Variants in TYK2 observed in about 807,000 individuals in gnomAD.
The protein encoded by TYK2 is tyrosine kinase 2.
TYK2 carries 65 observed loss-of-function variants against 130.9 expected under a neutral mutation model. That is an observed-to-expected ratio of 0.50 (90% confidence interval 0.41 to 0.61). The LOEUF (loss-of-function observed/expected upper bound fraction) is 0.61. Among genes scored for constraint, TYK2 ranks in the 20% least tolerant of loss-of-function variants. TYK2 has a pLI of 0.00. For synonymous variants in TYK2, 647 were observed against 658.9 expected (o/e 0.98, Z 0.28); for missense variants, 1,378 against 1,610.7 (o/e 0.86, Z 2.47).
intron 2 of TYK2, among the ~76,000 whole-genome samples, chr19:10,379,155 G>C (rs904411433): frequency 2.0e-5 from 3 of 151,462 alleles, no homozygotes; most frequent in Non-Finnish European, 2.9e-5. Context: ...CACTGTGCCC[G>C]GCCTCTACAA....
intron 6 of TYK2, 147 bp from the exon 7 acceptor site, chr19:10,366,045 G>A (rs2041649120): frequency 2.1e-6 from 2 of 945,084 alleles, no homozygotes; most frequent in African/African-American, 1.7e-5. Flanking sequence ...ACTTGAGCCT[G>A]TAGTCTCAGC....
chr19:10,369,706 A>G (rs2041829318), intron 3 of TYK2: 1 of 453,504 alleles, frequency 2.2e-6, no homozygotes, highest in South Asian at 1.6e-5. Context: ...AATTTCCCAC[A>G]CCAGCTACCC....
rs767623429 is a variant in TYK2, at chr19:10,353,086, G to A, written c.3040C>T (p.Leu1014=). ...CGGTGGATGTAGTGCTGCGCGTGCA[G>A]ATAGGCCATGCCCTGGGGACGGGGC... ...AQQICEGMAY[L]HAQHYIHRDL... Residue 1014 remains leucine (L), a synonymous_variant, in exon 22 of 25, where the codon CTG becomes TTG. Transcript: ENST00000525621. This position sits in a 1 kb window ranked among gnomAD's most constrained non-coding sequence, Gnocchi z 6.9. 1 of 1,545,572 alleles carries A rather than the reference G, an allele frequency of 6.5e-7. No individual in the cohort carries two copies. The highest frequency in any genetic ancestry group is 1.8e-5 in the Admixed American group (1 of 54,212).
At chr19:10,371,218 A>G (rs1568342277) in intron 3 of TYK2, among the ~76,000 whole-genome samples, 1 of 151,624 alleles carries the variant, frequency 6.6e-6, no homozygotes, top group Non-Finnish European at 1.5e-5. Context: ...CTCCCACCTC[A>G]GCCTCCTGAG....
rs777995149 is a variant in TYK2, at chr19:10,351,075, G to A, written c.3406C>T (p.Arg1136Trp). The change falls in exon 24 of 25, where the codon CGG becomes TGG. Residue 1136 changes from arginine (R) to tryptophan (W), a missense_variant. Transcript: ENST00000525621. ...ELLERGERLP[R>W]PDKCPCEVYH... ...ACCTCACAGGGACATTTGTCGGGCC[G>A]TGGCAGCCTCTCCCCTCGTTCCAGC... 1.2e-5 allele frequency: 19 copies of A among 1,614,014 alleles called. No homozygotes were observed. The highest frequency in any genetic ancestry group is 4.5e-5 in the East Asian group (2 of 44,894).
chr19:10,378,156 C>T (rs995988217), intron 3 of TYK2, 58 bp downstream of exon 3: 3 of 1,573,474 alleles, frequency 1.9e-6, no homozygotes, highest in Non-Finnish European at 1.7e-6. Context: ...ATGGATGGGG[C>T]CCAGCTGCTG....
At position 10,361,222 on chromosome 19, in the gene TYK2, T is replaced by C. The variant is rs1435747393; in HGVS notation, c.2047+289A>G. 1 of 575,610 alleles carries C rather than the reference T, an allele frequency of 1.7e-6. No homozygotes were observed. Among genetic ancestry groups the C allele is most frequent in the East Asian group, 3.0e-5 (1 of 33,256 alleles). 35.7% of individuals were successfully genotyped at this position (575,610 alleles called of 1,614,324 possible). On this transcript the variant is annotated intron_variant, in intron 14 of 24. Transcript: ENST00000525621. This position sits in a 1 kb window ranked among gnomAD's most constrained non-coding sequence, Gnocchi z 4.0. The stretch of plus-strand genomic sequence containing the variant: ...CAGATGGGGGCTGGACTGTAGAGGT[T>C]GTTTGGGAGGTTGATGGAAGTGGGG...
Position 10,365,507 on chromosome 19 carries a change from C to A in TYK2, c.1011+10G>T. 1 of 1,613,790 alleles carries A rather than the reference C, an allele frequency of 6.2e-7. No individual in the cohort carries two copies. Among genetic ancestry groups the A allele is most frequent in the Non-Finnish European group, 8.5e-7 (1 of 1,180,012 alleles). ...CTGAACCCCCAGGGCGGAAGGGGCG[C>A]CTTGCTCACCTCCTCCTTGTTCACC... On this transcript the variant is annotated intron_variant, in intron 7 of 24. Coordinates refer to ENST00000525621, the MANE Select transcript of TYK2 (RefSeq NM_003331.5).
In TYK2 at chr19:10,378,435, G is replaced by A. The variant is rs755381992; in HGVS notation, c.-20-9C>T. On this transcript the variant is annotated splice_polypyrimidine_tract_variant and intron_variant, in intron 2 of 24. Transcript: ENST00000525621. Reference sequence around the variant, plus strand: ...CCCGGCAGGTGGCTCAGCTGGAAAGGGGACAATCTGTCAGCTCCCAAGTCT... The same window carrying A: ...CCCGGCAGGTGGCTCAGCTGGAAAGAGGACAATCTGTCAGCTCCCAAGTCT... 5.0e-6 allele frequency: 8 copies of A among 1,600,828 alleles called. No individual in the cohort carries two copies. Among genetic ancestry groups the A allele is most frequent in the South Asian group, 1.1e-5 (1 of 90,824 alleles).
At chr19:10,377,557 TG>T (rs1486892015) in intron 3 of TYK2, among the ~76,000 whole-genome samples, 4 of 85,636 alleles carry the variant, frequency 4.7e-5, no homozygotes, top group Non-Finnish European at 6.8e-5. Flanking sequence ...GGTGGGTGGG[TG>T]GATGGATGGG....
In TYK2 at chr19:10,353,989, C is replaced by A; in HGVS notation, c.2908+53G>T. Reference sequence around the variant, plus strand: ...CTGGCCCCGCCCACAAGGCCACACCCACGCTCTAACCACGCCCCCTCAAGT... The same window carrying A: ...CTGGCCCCGCCCACAAGGCCACACCAACGCTCTAACCACGCCCCCTCAAGT... On this transcript the variant is annotated intron_variant, in intron 20 of 24. Coordinates refer to ENST00000525621, the MANE Select transcript of TYK2 (RefSeq NM_003331.5). The surrounding 1 kb of genome is among the most constrained non-coding windows in gnomAD (Gnocchi z 6.9). 1.3e-6 allele frequency: 2 copies of A among 1,582,620 alleles called. No homozygotes were observed. The highest frequency in any genetic ancestry group is 1.7e-6 in the Non-Finnish European group (2 of 1,154,246).
rs1351441537 is a variant in TYK2, at chr19:10,358,140, T to C, written c.2176-2A>G. On this transcript the variant is annotated splice_acceptor_variant, in intron 15 of 24. Coordinates refer to ENST00000525621, the MANE Select transcript of TYK2 (RefSeq NM_003331.5). LOFTEE classifies it high-confidence loss of function. The stretch of plus-strand genomic sequence containing the variant: ...ACCATGAACCAGGTTCTTGTTCTCC[T>C]GAGGTGGGCAGGAGAGGGGGTGTGG... 6.2e-7 allele frequency: 1 copy of C among 1,605,216 alleles called. No individual in the cohort carries two copies. Among genetic ancestry groups the C allele is most frequent in the Non-Finnish European group, 8.5e-7 (1 of 1,176,380 alleles).
At chr19:10,354,399 C>T (rs2040975887) in intron 19 of TYK2, 113 bp downstream of exon 19, 9 of 1,342,396 alleles carry the variant, frequency 6.7e-6, no homozygotes, top group Non-Finnish European at 9.6e-6. Context: ...TCCCTCAAAG[C>T]AGAGGGTCCC....
intron 3 of TYK2, among the ~76,000 whole-genome samples, chr19:10,377,041 A>ACAGG (rs750708090): frequency 6.6e-6 from 1 of 151,942 alleles, no homozygotes; most frequent in Admixed American, 6.6e-5. Context: ...TGCTGGGACT[A>ACAGG]CAGGCATGTA....
At position 10,350,866 on chromosome 19, in the gene TYK2, C is replaced by G. The variant is rs747542256; in HGVS notation, c.3532G>C (p.Gly1178Arg). ...ACGCTGAACACTGAAGGGGCCTGGC[C>G]TTGGTACTTCTCATGGACTGTCTTC... is the stretch of plus-strand genomic sequence containing the variant. ...ILKTVHEKYQ[G>R]QAPSVFSVC The change falls in exon 25 of 25, where the codon GGC (glycine) becomes CGC (arginine). Residue 1178 changes from glycine to arginine, a missense_variant. By Grantham distance (125) the Gly-to-Arg change is moderately radical. Transcript: ENST00000525621. 3.1e-6 allele frequency: 5 copies of G among 1,614,022 alleles called. No homozygotes were observed. The highest frequency in any genetic ancestry group is 4.2e-6 in the Non-Finnish European group (5 of 1,180,030).
At chr19:10,351,720 A>G (rs1266651519) in intron 23 of TYK2, among the ~76,000 whole-genome samples, 1 of 152,066 alleles carries the variant, frequency 6.6e-6, no homozygotes, top group African/African-American at 2.4e-5. Flanking sequence ...ATTAAGCCTC[A>G]CAGCAGATTG....
intron 7 of TYK2, 116 bp downstream of exon 7, chr19:10,365,401 G>A (rs1301492190): frequency 1.6e-5 from 24 of 1,497,872 alleles, no homozygotes; most frequent in Non-Finnish European, 1.8e-5. Context: ...GTGCCCCAGA[G>A]CCATGTGGGG....
rs546402387 is a variant in TYK2 at position 10,357,809 on chromosome 19, G to T, written c.2421C>A (p.Ile807=). ...KWGFGATLLE[I]CFDGEAPLQS... is the part of the protein sequence containing the mutation. ...GCAGAGGGGCCTCTCCGTCAAAGCAGATCTCCAGGAGGGTGGCGCCAAACC... is the reference window on the plus strand; with the variant it reads ...GCAGAGGGGCCTCTCCGTCAAAGCATATCTCCAGGAGGGTGGCGCCAAACC... The change falls in exon 17 of 25, where the codon ATC becomes ATA. Residue 807 remains isoleucine, a synonymous_variant. Transcript: ENST00000525621. 1.2e-6 allele frequency: 2 copies of T among 1,613,510 alleles called. No individual in the cohort carries two copies. The highest frequency in any genetic ancestry group is 2.7e-5 in the African/African-American group (2 of 75,070).
chr19:10,378,639 A>G (rs2042255637), intron 2 of TYK2: 3 of 570,478 alleles, frequency 5.3e-6, no homozygotes, highest in Non-Finnish European at 9.4e-6. Context: ...TCTCTCATCA[A>G]CAATAACACT....
Sources: gnomAD v4.1 joint callset for allele counts (sites outside exome capture counted in the v4.1 genomes callset) on GRCh38, gnomAD v4.1.1 for gene constraint, Gnocchi (gnomAD v3.1) non-coding constraint, MANE v1.5 for transcripts, NCBI Gene and HGNC (gene_info 2026-07-23, HGNC 2026-07-21) for gene names.